Variants in DISP1 observed in about 807,000 individuals in gnomAD.
DISP1 encodes the protein dispatched RND transporter family member 1.
A neutral mutation model predicts 37.3 loss-of-function variants in DISP1; 30 were observed. The observed-to-expected ratio is 0.80, with a 90% CI of 0.60 to 1.09. The LOEUF (loss-of-function observed/expected upper bound fraction) is 1.09, where lower values mean the gene tolerates loss of function less well. Among genes scored for constraint, DISP1 ranks in the 50% least tolerant of loss-of-function variants. DISP1 has a pLI of 0.00. For missense variants in DISP1, 1,598 were observed against 1,879.5 expected, an observed-to-expected ratio of 0.85 and a Z score of 2.77; for synonymous variants, 634 against 690.2, an observed-to-expected ratio of 0.92 and a Z score of 1.28.
At chr1:222,899,248 TGTG>T (rs1671448106) in intron 1 of DISP1, among the ~76,000 whole-genome samples, 1 of 152,090 alleles carries the variant, frequency 6.6e-6, no homozygotes, top group Non-Finnish European at 1.5e-5. Flanking sequence ...GGGGAGGAGT[TGTG>T]GGGGGAGCAA....
At chr1:222,821,847 C>T (rs1240572261) in intron 1 of DISP1, among the ~76,000 whole-genome samples, 1 of 147,118 alleles carries the variant, frequency 6.8e-6, no homozygotes, top group Non-Finnish European at 1.5e-5. Context: ...CCACTGCACT[C>T]CAGCCTGGAT....
intron 1 of DISP1, among the ~76,000 whole-genome samples, chr1:222,851,204 T>A (rs1252663500): frequency 6.6e-6 from 1 of 151,764 alleles, no homozygotes; most frequent in East Asian, 1.9e-4. Context: ...GTAGCTGGGA[T>A]CACAGGCATA....
At chr1:222,990,976 A>G (rs1321760135) in intron 5 of DISP1, among the ~76,000 whole-genome samples, 4 of 152,324 alleles carry the variant, frequency 2.6e-5, no homozygotes, top group East Asian at 3.9e-4. Context: ...CTTGGTCCCC[A>G]TGTTTAAGCT....
At position 222,890,245 on chromosome 1, in the gene DISP1, G is replaced by T. The variant is rs368827421; in HGVS notation, c.-158-38185G>T. On this transcript the variant is annotated intron_variant, in intron 1 of 8. Coordinates refer to ENST00000675850, the MANE Select transcript of DISP1 (RefSeq NM_001377229.1). ...GCATTAGTTCATTTGGTAGATAATT[G>T]TTGAACACCAACTATGTGCCAGACA... Among the ~76,000 whole-genome samples, 5 of 152,254 alleles carry T rather than the reference G, an allele frequency of 3.3e-5. No individual in the cohort carries two copies. In the East Asian group the frequency reaches 5.8e-4, roughly 18 times the overall value.
intron 2 of DISP1, among the ~76,000 whole-genome samples, chr1:222,936,796 TATA>T (rs1481985516): frequency 2.5e-5 from 1 of 40,358 alleles, no homozygotes; most frequent in Non-Finnish European, 5.1e-5. Flanking sequence ...ATATATATAA[TATA>T]TTATATATAT....
chr1:222,832,763 G>T (rs1182343424), intron 1 of DISP1, among the ~76,000 whole-genome samples: 3 of 152,080 alleles, frequency 2.0e-5, no homozygotes, highest in Non-Finnish European at 4.4e-5. Context: ...AGGCGTGGTG[G>T]CTCATGCCTG....
intron 3 of DISP1, among the ~76,000 whole-genome samples, chr1:222,946,273 A>G (rs1423330268): frequency 1.3e-5 from 2 of 150,534 alleles, no homozygotes; most frequent in Non-Finnish European, 3.0e-5. Context: ...AGTCCCAGCT[A>G]CTTGGGAGGC....
intron 1 of DISP1, among the ~76,000 whole-genome samples, chr1:222,898,991 C>G (rs1671434909): frequency 6.6e-6 from 1 of 152,078 alleles, no homozygotes; most frequent in South Asian, 2.1e-4. Context: ...GAGAAAAGAA[C>G]TAAATATCTT....
chr1:222,884,328 A>G lies in DISP1; in HGVS notation c.-158-44102A>G, dbSNP rs150800781. ...AAACTAATATTATTATAATACTTCT[A>G]TTAATTTCAATTTTGCCAGTTTTTT... On this transcript the variant is annotated intron_variant, in intron 1 of 8. Coordinates refer to ENST00000675850, the MANE Select transcript of DISP1 (RefSeq NM_001377229.1). 1.5e-4 allele frequency among the ~76,000 whole-genome samples: 23 copies of G among 152,254 alleles called. No homozygotes were observed. In the East Asian group the frequency reaches 4.2e-3, roughly 28 times the overall value.
chr1:222,936,769 TATATATATCATATATAATA>T (rs1365004520), intron 2 of DISP1, among the ~76,000 whole-genome samples: 1 of 61,154 alleles, frequency 1.6e-5, no homozygotes, highest in Non-Finnish European at 3.4e-5. Context: ...ATATAAAAAT[TATATATATCATATATAATA>T]TATATAATAT....
intron 1 of DISP1, among the ~76,000 whole-genome samples, chr1:222,878,830 AG>A (rs2125362138): frequency 6.6e-6 from 1 of 152,316 alleles, no homozygotes; most frequent in South Asian, 2.1e-4. Context: ...ATTCTTAAAA[AG>A]ATCTTTAAGG....
At chr1:222,874,762 CAA>C (rs1669861415) in intron 1 of DISP1, among the ~76,000 whole-genome samples, 1 of 152,188 alleles carries the variant, frequency 6.6e-6, no homozygotes, top group African/African-American at 2.4e-5. Flanking sequence ...CTCAACTCGT[CAA>C]AGTCATTCTC....
chr1:222,841,717 T>C (rs924381210), intron 1 of DISP1, among the ~76,000 whole-genome samples: 1 of 152,214 alleles, frequency 6.6e-6, no homozygotes, highest in African/African-American at 2.4e-5. Context: ...GTTTTATTTT[T>C]AAAAGTGATA....
At chr1:222,937,669 G>A (rs1338798136) in intron 2 of DISP1, among the ~76,000 whole-genome samples, 2 of 151,948 alleles carry the variant, frequency 1.3e-5, no homozygotes, top group African/African-American at 4.8e-5. Context: ...GTAAAATAGG[G>A]GATATGAGAT....
rs1289952456 is a variant in DISP1, at chr1:223,002,614, A to G, written c.1217A>G (p.Lys406Arg). Residue 406 changes from lysine to arginine, a missense_variant, in exon 9 of 9, where the codon AAG becomes AGG. Coordinates refer to ENST00000675850, the MANE Select transcript of DISP1 (RefSeq NM_001377229.1). ...PDCWDMAARR[K>R]DQLKCTNVPR... ...TGCTGGGACATGGCAGCCAGAAGAA[A>G]GGACCAGCTCAAGTGCACCAATGTG... is the stretch of plus-strand genomic sequence containing the variant. 6.2e-7 allele frequency: 1 copy of G among 1,614,142 alleles called. No homozygotes were observed. The highest frequency in any genetic ancestry group is 1.3e-5 in the African/African-American group (1 of 74,954).
chr1:222,888,441 C>A (rs750691304), intron 1 of DISP1, among the ~76,000 whole-genome samples: 11 of 151,900 alleles, frequency 7.2e-5, no homozygotes, highest in Non-Finnish European at 1.3e-4. Context: ...TTTTAAAGTA[C>A]AATTTTCTTT....
chr1:222,865,850 C>T (rs1558300648), intron 1 of DISP1, among the ~76,000 whole-genome samples: 1 of 152,076 alleles, frequency 6.6e-6, no homozygotes, highest in Non-Finnish European at 1.5e-5. Flanking sequence ...GTATATTTGG[C>T]ATATTTCCCA....
rs1679672852 is a variant in DISP1, at chr1:223,003,846, A to C, written c.2449A>C (p.Asn817His). 1 of 1,614,100 alleles carries C rather than the reference A, an allele frequency of 6.2e-7. No homozygotes were observed. Among genetic ancestry groups the C allele is most frequent in the African/African-American group, 1.3e-5 (1 of 74,938 alleles). The part of the protein sequence containing the change: ...KGKLTLDSSF[N>H]IASPASQAWI... ...GAAGTTGACATTAGATAGCAGTTTT[A>C]ACATCGCCAGCCCAGCTTCCCAGGC... The change falls in exon 9 of 9, where the codon AAC (asparagine) becomes CAC (histidine). Residue 817 changes from asparagine (N) to histidine (H), a missense_variant. Coordinates refer to ENST00000675850, the MANE Select transcript of DISP1 (RefSeq NM_001377229.1). The surrounding 1 kb of genome is among the most constrained non-coding windows in gnomAD (Gnocchi z 4.3).
chr1:222,906,914 C>T (rs577616409), intron 1 of DISP1, among the ~76,000 whole-genome samples: 1 of 152,122 alleles, frequency 6.6e-6, no homozygotes, highest in Non-Finnish European at 1.5e-5. Context: ...GGATCAGTAC[C>T]CCTTTGAGTA....
Sources: gnomAD v4.1 joint callset for allele counts (sites outside exome capture counted in the v4.1 genomes callset) on GRCh38, gnomAD v4.1.1 for gene constraint, Gnocchi (gnomAD v3.1) non-coding constraint, MANE v1.5 for transcripts, NCBI Gene and HGNC (gene_info 2026-07-23, HGNC 2026-07-21) for gene names.